Variants in KCTD19 observed in about 807,000 individuals in gnomAD.
KCTD19 encodes the protein BTB/POZ domain-containing protein KCTD19.
In KCTD19, 67 loss-of-function variants were observed where a neutral mutation model predicts 103.5. That is an observed-to-expected ratio of 0.65 (90% CI 0.53 to 0.79). The LOEUF is 0.79. Among genes scored for constraint, KCTD19 ranks in the 30% least tolerant of loss-of-function variants. The pLI is 0.00. For missense variants in KCTD19, 980 were observed against 1,136.1 expected (o/e 0.86, Z 1.98); for synonymous variants, 439 against 452.2 (o/e 0.97, Z 0.37).
At chr16:67,297,379 A>G in intron 7 of KCTD19, 124 bp downstream of exon 7, 1 of 983,536 alleles carries the variant, frequency 1.0e-6, no homozygotes, top group Non-Finnish European at 1.5e-6. Context: ...AATCCAAAAT[A>G]TTGGCCTGGC....
chr16:67,291,272 A>G, intron 14 of KCTD19, 37 bp downstream of exon 14: 1 of 1,600,584 alleles, frequency 6.2e-7, no homozygotes, highest in Non-Finnish European at 8.5e-7. Flanking sequence ...TGGAGAAGGT[A>G]CAGGGTGCCC....
chr16:67,299,064 G>A (rs1409282618), intron 6 of KCTD19, among the ~76,000 whole-genome samples: 1 of 152,246 alleles, frequency 6.6e-6, no homozygotes, highest in African/African-American at 2.4e-5. Flanking sequence ...ACTGTGGCCT[G>A]GTCACCTCAG....
Position 67,289,589 on chromosome 16 carries a change from T to G in KCTD19, c.2761A>C (p.Lys921Gln). The change falls in exon 16 of 16, where the codon AAG becomes CAG. Residue 921 changes from lysine to glutamine, a missense_variant. Lys to Gln is a moderately conservative substitution (Grantham distance 53, BLOSUM62 1). Transcript: ENST00000304372. ...SRSVSYSILGKYLQED is the reference protein window; with the variant it reads ...SRSVSYSILGQYLQED ...GCACCCTAGTCCTCTTGTAGGTACT[T>G]TCCCAGGATGGAGTAAGAGACAGAC... is the stretch of plus-strand genomic sequence containing the variant. 6.2e-7 allele frequency: 1 copy of G among 1,613,204 alleles called. No homozygotes were observed. The highest frequency in any genetic ancestry group is 1.1e-5 in the South Asian group (1 of 91,054).
At chr16:67,322,815 A>G (rs2037090249) in intron 1 of KCTD19, among the ~76,000 whole-genome samples, 1 of 152,346 alleles carries the variant, frequency 6.6e-6, no homozygotes, top group African/African-American at 2.4e-5. Flanking sequence ...CATTTGTCTG[A>G]TAAAGAACTT....
intron 1 of KCTD19, chr16:67,322,081 C>T (rs1057325939): frequency 2.0e-5 from 3 of 152,064 alleles, no homozygotes; most frequent in African/African-American, 7.2e-5. Context: ...ATTGAGAGTA[C>T]AGAATAAAAC....
chr16:67,295,109 G>C, intron 9 of KCTD19, 53 bp from the exon 10 acceptor site: 5 of 1,570,564 alleles, frequency 3.2e-6, no homozygotes, highest in Non-Finnish European at 4.4e-6. Flanking sequence ...GGGTGTGGGA[G>C]GGAGCATGAG....
chr16:67,320,574 A>G lies in KCTD19; in HGVS notation c.300+15T>C. 1 of 1,609,228 alleles carries G rather than the reference A, an allele frequency of 6.2e-7. No individual in the cohort carries two copies. Among genetic ancestry groups the G allele is most frequent in the African/African-American group, 1.3e-5 (1 of 74,898 alleles). On this transcript the variant is annotated intron_variant, in intron 2 of 15. Coordinates refer to ENST00000304372, the MANE Select transcript of KCTD19 (RefSeq NM_001100915.3). The surrounding 1 kb of genome is among the most constrained non-coding windows in gnomAD (Gnocchi z 4.0). ...GTTACTGATCCACCACTCCCAGAAA[A>G]CAAGAGCATCTTACCTGCAGCAAAG...
At position 67,293,049 on chromosome 16, in the gene KCTD19, T is replaced by C. The variant is rs1364578179; in HGVS notation, c.2218+495A>G. 6.6e-6 allele frequency among the ~76,000 whole-genome samples: 1 copy of C among 152,190 alleles called. No homozygotes were observed. The highest frequency in any genetic ancestry group is 1.5e-5 in the Non-Finnish European group (1 of 68,026). ...TCTGCTCCTGGAGCAAACTTTCTGA[T>C]GGGCACACCTGACCCCGTGCTCTTG... On this transcript the variant is annotated intron_variant, in intron 12 of 15. Coordinates refer to ENST00000304372, the MANE Select transcript of KCTD19 (RefSeq NM_001100915.3). The surrounding 1 kb of genome is among the most constrained non-coding windows in gnomAD (Gnocchi z 4.0).
chr16:67,305,279 T>A (rs1298736558), intron 2 of KCTD19: 1 of 168,150 alleles, frequency 5.9e-6, no homozygotes, highest in Admixed American at 6.2e-5. Context: ...TGGGTAGTGA[T>A]CTAAGTGGTG....
chr16:67,318,509 G>A (rs1162486447), intron 2 of KCTD19, among the ~76,000 whole-genome samples: 1 of 146,434 alleles, frequency 6.8e-6, no homozygotes, highest in Non-Finnish European at 1.5e-5. Flanking sequence ...GCAGTGAGCC[G>A]AGATAGCGCC....
intron 2 of KCTD19, among the ~76,000 whole-genome samples, chr16:67,315,726 G>T (rs759380946): frequency 3.3e-5 from 5 of 151,926 alleles, no homozygotes; most frequent in Non-Finnish European, 7.4e-5. Context: ...GTGATCGCCT[G>T]CCTCGGCCTC....
Position 67,296,277 on chromosome 16 carries a change from A to G in KCTD19, c.1148-18T>C. ...CCACTCATCTATGGGAATCCAGGAG[A>G]TAGAACACATCATCATATGGCCAGA... On this transcript the variant is annotated intron_variant, in intron 7 of 15. Transcript: ENST00000304372. 1 of 1,490,050 alleles carries G rather than the reference A, an allele frequency of 6.7e-7. No homozygotes were observed. The highest frequency in any genetic ancestry group is 1.1e-5 in the South Asian group (1 of 88,678). 92.3% of individuals were successfully genotyped at this position (1,490,050 alleles called of 1,614,324 possible). A position where few individuals can be genotyped will look rare whatever the true frequency, so the allele number is the denominator to read the frequency against.
At position 67,291,301 on chromosome 16, in the gene KCTD19, A is replaced by T; in HGVS notation, c.2565+8T>A. On this transcript the variant is annotated splice_region_variant and intron_variant, in intron 14 of 15. Transcript: ENST00000304372. ...GGTGCCCCAGGGCCTGAGGCCTGTC[A>T]CACATACCCACAGCCGATTGGCCAG... The T allele has an allele frequency of 6.2e-7, 1 of 1,611,640 alleles. No homozygotes were observed.
chr16:67,314,826 TATATAGAGAGAGAGAG>T (rs1186756942), intron 2 of KCTD19, among the ~76,000 whole-genome samples: 4 of 55,302 alleles, frequency 7.2e-5, no homozygotes, highest in Non-Finnish European at 9.3e-5. Flanking sequence ...TATATATATA[TATATAGAGAGAGAGAG>T]AGAGAGAGAG....
intron 8 of KCTD19, 150 bp from the exon 9 acceptor site, chr16:67,295,555 G>T: frequency 1.4e-6 from 1 of 717,082 alleles, no homozygotes; most frequent in Non-Finnish European, 2.2e-6. Flanking sequence ...AGGAACCATG[G>T]TGGGGAGCAG....
At chr16:67,325,442 C>T (rs2037139007) in intron 1 of KCTD19, among the ~76,000 whole-genome samples, 1 of 149,648 alleles carries the variant, frequency 6.7e-6, no homozygotes, top group Admixed American at 6.6e-5. Flanking sequence ...TGGGGTTTCA[C>T]TGTGTTAGCC....
In KCTD19 at chr16:67,289,667, C is replaced by T. The variant is rs752214690; in HGVS notation, c.2683G>A (p.Ala895Thr). The change falls in exon 16 of 16, where the codon GCC becomes ACC. Residue 895 changes from alanine (A) to threonine (T), a missense_variant. Transcript: ENST00000304372. ...YSWVELTLPF[A>T]RKYGRCMDLL... ...TCCATGCATCGGCCATATTTCCTGG[C>T]GAAGGGCAGTGTAAGCTGGAAGGAA... 10 of 1,613,566 alleles carry T rather than the reference C, an allele frequency of 6.2e-6. No homozygotes were observed. In the East Asian group the frequency reaches 6.7e-5, roughly 11 times the overall value.
intron 2 of KCTD19, among the ~76,000 whole-genome samples, chr16:67,315,912 C>T (rs1232152042): frequency 6.6e-6 from 1 of 152,146 alleles, no homozygotes; most frequent in African/African-American, 2.4e-5. Context: ...CCGCGTCTGG[C>T]CTAACTATTA....
In KCTD19 at chr16:67,326,699, CCGTACCATGGT is replaced by C. The variant is rs1243789392; in HGVS notation, c.-3_3+5del. Reference sequence around the variant, plus strand: ...TTTGGCGCCCCCGCCAGAGCGGGCTCCGTACCATGGTCGCGGCTCCAGCAGCGGGCGGGCGG... The same window carrying C: ...TTTGGCGCCCCCGCCAGAGCGGGCTCCGCGGCTCCAGCAGCGGGCGGGCGG... On this transcript the variant is annotated splice_donor_variant and splice_donor_5th_base_variant and coding_sequence_variant and 5_prime_UTR_variant and intron_variant, in exon 1 of 16. Coordinates refer to ENST00000304372, the MANE Select transcript of KCTD19 (RefSeq NM_001100915.3). LOFTEE classifies it high-confidence loss of function. 22 of 1,581,366 alleles carry C rather than the reference CCGTACCATGGT, an allele frequency of 1.4e-5. No individual in the cohort carries two copies. The highest frequency in any genetic ancestry group is 1.8e-5 in the Non-Finnish European group (21 of 1,168,448).
Sources: gnomAD v4.1 joint callset for allele counts (sites outside exome capture counted in the v4.1 genomes callset) on GRCh38, gnomAD v4.1.1 for gene constraint, Gnocchi (gnomAD v3.1) non-coding constraint, MANE v1.5 for transcripts, NCBI Gene and HGNC (gene_info 2026-07-23, HGNC 2026-07-21) for gene names.